The following NOS1 variants were observed in gnomAD, a reference collection of about 807,000 sequenced individuals.
NOS1 encodes nitric oxide synthase 1.
Under a neutral mutation model 164.5 loss-of-function variants are expected in NOS1, and 51 were observed. That is an observed-to-expected ratio of 0.31 (90% CI 0.25 to 0.39). The LOEUF (loss-of-function observed/expected upper bound fraction) is 0.39. NOS1 is among the 10% of genes least tolerant of loss of function. NOS1 has a pLI of 1.00. For missense variants in NOS1, 1,362 were observed against 1,885.6 expected (o/e 0.72, Z 5.14); for synonymous variants, 719 against 745.8 (o/e 0.96, Z 0.59).
At chr12:117,358,385 G>C (rs550593266) in intron 1 of NOS1, among the ~76,000 whole-genome samples, 1 of 152,322 alleles carries the variant, frequency 6.6e-6, no homozygotes, top group East Asian at 1.9e-4. Flanking sequence ...GAGGCTCCTG[G>C]GGACTGGCTT....
chr12:117,333,108 G>A (rs1003044609), intron 1 of NOS1, among the ~76,000 whole-genome samples: 2 of 152,174 alleles, frequency 1.3e-5, no homozygotes, highest in Non-Finnish European at 2.9e-5. Flanking sequence ...TCTGGGATGG[G>A]GCAGGTGATC....
intron 1 of NOS1, among the ~76,000 whole-genome samples, chr12:117,335,508 G>A (rs1875763219): frequency 1.3e-5 from 2 of 152,106 alleles, no homozygotes; most frequent in African/African-American, 4.8e-5. Context: ...GACTATCGGG[G>A]ATGGCTGCCA....
intron 10 of NOS1, 96 bp from the exon 11 acceptor site, chr12:117,268,240 C>CT (rs1301263915): frequency 3.9e-4 from 331 of 848,958 alleles, no homozygotes; most frequent in Non-Finnish European, 4.8e-4. Flanking sequence ...AATTTCTTTT[C>CT]TTTTTTTTTA....
At position 117,252,670 on chromosome 12, in the gene NOS1, T is replaced by C. The variant is rs570865755; in HGVS notation, c.2648+968A>G. 5.3e-5 allele frequency among the ~76,000 whole-genome samples: 8 copies of C among 152,292 alleles called. No individual in the cohort carries two copies. In the South Asian group the frequency reaches 1.7e-3, roughly 32 times the overall value. On this transcript the variant is annotated intron_variant, in intron 17 of 28. Coordinates refer to ENST00000317775, the MANE Select transcript of NOS1 (RefSeq NM_000620.5). ...GTGAGTGTGTAGGGACAGGAGGATG[T>C]GGGAACTCTCTGTACTTTCTGCTCA...
intron 2 of NOS1, among the ~76,000 whole-genome samples, chr12:117,328,101 A>C (rs1875344853): frequency 6.6e-6 from 1 of 152,000 alleles, no homozygotes; most frequent in African/African-American, 2.4e-5. Flanking sequence ...TCTTCTCTCT[A>C]CCTGGAGTGC....
At chr12:117,337,106 CTTTTTTTTT>C (rs36054002) in intron 1 of NOS1, among the ~76,000 whole-genome samples, 36 of 64,334 alleles carry the variant, frequency 5.6e-4, no homozygotes, top group African/African-American at 1.5e-3. Flanking sequence ...GCTTTTTACT[CTTTTTTTTT>C]TTTTTTTTTT....
intron 3 of NOS1, among the ~76,000 whole-genome samples, chr12:117,294,138 C>T (rs1873245176): frequency 6.6e-6 from 1 of 152,250 alleles, no homozygotes. Context: ...CCCAGTTTCA[C>T]TCAGCCAGTT....
chr12:117,309,761 T>A (rs1201002529), intron 3 of NOS1, among the ~76,000 whole-genome samples: 1 of 151,986 alleles, frequency 6.6e-6, no homozygotes. Flanking sequence ...AAAAGTTGGA[T>A]AACAGATGGA....
At chr12:117,353,190 TCTAC>T (rs1407119040) in intron 1 of NOS1, among the ~76,000 whole-genome samples, 8 of 152,232 alleles carry the variant, frequency 5.3e-5, no homozygotes, top group Admixed American at 3.3e-4. Context: ...TACCAATCTA[TCTAC>T]CTACCTATCA....
chr12:117,226,251 C>A (rs1254750051), intron 24 of NOS1, among the ~76,000 whole-genome samples: 1 of 152,096 alleles, frequency 6.6e-6, no homozygotes, highest in Admixed American at 6.6e-5. Context: ...TCAGCTATAG[C>A]CTTTACAGCT....
intron 3 of NOS1, among the ~76,000 whole-genome samples, chr12:117,296,577 T>G (rs745456237): frequency 6.6e-6 from 1 of 152,174 alleles, no homozygotes; most frequent in Non-Finnish European, 1.5e-5. Flanking sequence ...CGGGCTGGCT[T>G]CCTTGCTCCT....
At chr12:117,248,384 C>T (rs1477111513) in intron 17 of NOS1, among the ~76,000 whole-genome samples, 1 of 150,172 alleles carries the variant, frequency 6.7e-6, no homozygotes, top group Non-Finnish European at 1.5e-5. Flanking sequence ...GTGTGATGTT[C>T]CCCTTCCTGT....
intron 18 of NOS1, among the ~76,000 whole-genome samples, chr12:117,246,584 AC>A (rs1269159545): frequency 1.3e-5 from 2 of 150,962 alleles, no homozygotes; most frequent in South Asian, 2.1e-4. Context: ...CATTCTCATC[AC>A]CCCCCCAACA....
intron 3 of NOS1, chr12:117,302,117 G>A (rs1442058602): frequency 2.2e-6 from 1 of 456,580 alleles, no homozygotes; most frequent in Non-Finnish European, 4.4e-6. Flanking sequence ...TTGAGCTGGG[G>A]GTTCAATGAA....
At chr12:117,279,013 C>CCAGTGAAT (rs1293304854) in intron 8 of NOS1, among the ~76,000 whole-genome samples, 4 of 151,232 alleles carry the variant, frequency 2.6e-5, no homozygotes, top group Non-Finnish European at 5.9e-5. Context: ...ACTTATTAAT[C>CCAGTGAAT]CAGTGAATCT....
chr12:117,290,622 T>C (rs1403001009), intron 3 of NOS1, among the ~76,000 whole-genome samples, 196 bp from the exon 4 acceptor site: 5 of 151,812 alleles, frequency 3.3e-5, no homozygotes, highest in East Asian at 1.9e-4. Flanking sequence ...CCCACTTACA[T>C]GGAAAGAAAC....
chr12:117,332,968 T>A (rs1006480599), intron 1 of NOS1, among the ~76,000 whole-genome samples: 8 of 152,200 alleles, frequency 5.3e-5, no homozygotes, highest in Non-Finnish European at 7.3e-5. Flanking sequence ...TCTCTCAGGC[T>A]CAAAGAAATG....
intron 3 of NOS1, among the ~76,000 whole-genome samples, chr12:117,309,008 A>G (rs1874299295): frequency 6.6e-6 from 1 of 152,238 alleles, no homozygotes; most frequent in Non-Finnish European, 1.5e-5. Context: ...AATACGGGGT[A>G]GACCTAACAA....
At position 117,214,243 on chromosome 12, in the gene NOS1, C is replaced by A; in HGVS notation, c.*1066G>T. On this transcript the variant is annotated 3_prime_UTR_variant, in exon 29 of 29. Coordinates refer to ENST00000317775, the MANE Select transcript of NOS1 (RefSeq NM_000620.5). ...GTTACTTGATATTGTTTCCAGGCAC[C>A]AAAGCTTTAACATTTAATCCATTCA... 4 of 985,288 alleles carry A rather than the reference C, an allele frequency of 4.1e-6. No individual in the cohort carries two copies. The highest frequency in any genetic ancestry group is 4.8e-6 in the Non-Finnish European group (4 of 829,910). The allele number at this position is 985,288 out of a possible 1,614,324, so 61.0% of individuals were successfully genotyped here.
Sources: allele counts gnomAD v4.1 joint callset (sites outside exome capture counted in the v4.1 genomes callset), GRCh38; gene constraint gnomAD v4.1.1; transcripts MANE v1.5; gene names NCBI Gene and HGNC (gene_info 2026-07-23, HGNC 2026-07-21).